The following TBCK variants were observed in gnomAD, a reference collection of about 807,000 sequenced individuals.
TBCK encodes TBC domain-containing protein kinase-like protein.
TBCK carries 99 observed loss-of-function variants against 113.4 expected under a neutral mutation model. The ratio of observed to expected loss-of-function variants is 0.87; its 90% CI spans 0.74 to 1.03. The LOEUF (loss-of-function observed/expected upper bound fraction) is 1.03, where lower values mean the gene tolerates loss of function less well. Among genes scored for constraint, TBCK ranks in the 50% least tolerant of loss-of-function variants. The probability of loss-of-function intolerance (pLI) is 0.00; values close to 1 mark genes in which losing one functional copy is unlikely to be tolerated. For synonymous variants in TBCK, 369 were observed against 370.8 expected, an observed-to-expected ratio of 1.00 and a Z score of 0.05; for missense variants, 1,045 against 1,061.3, an observed-to-expected ratio of 0.98 and a Z score of 0.21.
At chr4:106,101,224 G>A (rs1427698734) in intron 24 of TBCK, among the ~76,000 whole-genome samples, 1 of 152,146 alleles carries the variant, frequency 6.6e-6, no homozygotes, top group Non-Finnish European at 1.5e-5. Flanking sequence ...TGGGGTCATG[G>A]ATGGTTCTCA....
intron 5 of TBCK, among the ~76,000 whole-genome samples, chr4:106,254,593 ATC>A (rs1023006854): frequency 1.3e-5 from 2 of 152,204 alleles, no homozygotes; most frequent in African/African-American, 2.4e-5. Flanking sequence ...TGTCAAAATA[ATC>A]TGTTAATTTT....
chr4:106,159,562 G>T (rs914744145), intron 23 of TBCK, among the ~76,000 whole-genome samples: 1 of 151,878 alleles, frequency 6.6e-6, no homozygotes, highest in African/African-American at 2.4e-5. Context: ...AAATACTTAG[G>T]AATTAACCAG....
At position 106,193,704 on chromosome 4, in the gene TBCK, G is replaced by A. The variant is rs763511962; in HGVS notation, c.1964C>T (p.Pro655Leu). 3 of 1,611,498 alleles carry A rather than the reference G, an allele frequency of 1.9e-6. No homozygotes were observed. Among genetic ancestry groups the A allele is most frequent in the African/African-American group, 1.3e-5 (1 of 74,714 alleles). The change falls in exon 22 of 26, where the codon CCA becomes CTA. Residue 655 changes from proline to leucine, a missense_variant. Coordinates refer to ENST00000394708, the MANE Select transcript of TBCK (RefSeq NM_001163435.3). ...DTLLLGNSSF[P>L]FCIGVAILQQ... Reference sequence around the variant, plus strand: ...AAGAATTGCTACTCCAATACAGAATGGGAAAGAGGAATTCCCAAGTAGTAA... The same window carrying A: ...AAGAATTGCTACTCCAATACAGAATAGGAAAGAGGAATTCCCAAGTAGTAA...
At chr4:106,186,711 C>T (rs1192854199) in intron 22 of TBCK, among the ~76,000 whole-genome samples, 1 of 152,062 alleles carries the variant, frequency 6.6e-6, no homozygotes, top group African/African-American at 2.4e-5. Flanking sequence ...GTTTCTTTTG[C>T]TGTGCAGAAG....
At chr4:106,246,765 G>A (rs1484860462) in intron 10 of TBCK, among the ~76,000 whole-genome samples, 1 of 152,086 alleles carries the variant, frequency 6.6e-6, no homozygotes, top group Non-Finnish European at 1.5e-5. Flanking sequence ...AGTTCAGTTA[G>A]GCTCTGATAT....
chr4:106,186,666 C>A (rs560675743), intron 22 of TBCK, among the ~76,000 whole-genome samples: 1 of 152,232 alleles, frequency 6.6e-6, no homozygotes, highest in East Asian at 1.9e-4. Flanking sequence ...AATATTTTCT[C>A]CCATTTTGTA....
At chr4:106,260,712 A>G (rs910827622) in intron 4 of TBCK, among the ~76,000 whole-genome samples, 2 of 151,978 alleles carry the variant, frequency 1.3e-5, no homozygotes, top group African/African-American at 4.8e-5. Flanking sequence ...TATACTCATT[A>G]AATATGTATA....
intron 19 of TBCK, among the ~76,000 whole-genome samples, chr4:106,218,323 T>A (rs1052152569): frequency 2.7e-5 from 4 of 150,590 alleles, no homozygotes; most frequent in Non-Finnish European, 5.9e-5. Flanking sequence ...GGACTTCATG[T>A]CTAAAACACC....
intron 3 of TBCK, among the ~76,000 whole-genome samples, chr4:106,292,497 G>A (rs1765830228): frequency 6.6e-6 from 1 of 151,542 alleles, no homozygotes; most frequent in Non-Finnish European, 1.5e-5. Context: ...ATGAACCCGG[G>A]AGGAGGAGCT....
chr4:106,130,251 T>C (rs901421099), intron 23 of TBCK, among the ~76,000 whole-genome samples: 2 of 152,214 alleles, frequency 1.3e-5, no homozygotes, highest in Admixed American at 6.5e-5. Flanking sequence ...TATTAAAATA[T>C]GCACATCTTT....
intron 23 of TBCK, among the ~76,000 whole-genome samples, chr4:106,153,882 T>C (rs1748819937): frequency 6.6e-6 from 1 of 152,078 alleles, no homozygotes; most frequent in African/African-American, 2.4e-5. Context: ...CTACTCCAGC[T>C]CTTTTTTGGT....
chr4:106,231,487 T>G (rs1220578900), intron 18 of TBCK, among the ~76,000 whole-genome samples: 1 of 151,738 alleles, frequency 6.6e-6, no homozygotes, highest in Non-Finnish European at 1.5e-5. Flanking sequence ...AAAATTAATC[T>G]CTAAAGAATT....
At chr4:106,310,974 T>C (rs1467087757) in intron 1 of TBCK, among the ~76,000 whole-genome samples, 1 of 152,022 alleles carries the variant, frequency 6.6e-6, no homozygotes. Flanking sequence ...GGCCAATAGA[T>C]ACATGAGAAG....
At chr4:106,159,271 G>A (rs990364099) in intron 23 of TBCK, among the ~76,000 whole-genome samples, 5 of 152,032 alleles carry the variant, frequency 3.3e-5, no homozygotes, top group Non-Finnish European at 7.4e-5. Context: ...TTTCAACATA[G>A]TACTGGAAGT....
At chr4:106,086,010 C>A (rs576496633) in intron 25 of TBCK, among the ~76,000 whole-genome samples, 2 of 152,014 alleles carry the variant, frequency 1.3e-5, no homozygotes, top group South Asian at 2.1e-4. Context: ...GATCTCAAAT[C>A]GACACCCTAA....
intron 22 of TBCK, among the ~76,000 whole-genome samples, chr4:106,186,625 T>G (rs1024272147): frequency 1.3e-5 from 2 of 152,212 alleles, no homozygotes; most frequent in Admixed American, 1.3e-4. Flanking sequence ...AGACTCTGGA[T>G]AGTAGACCTT....
At chr4:106,309,584 G>A (rs1478027888) in intron 1 of TBCK, among the ~76,000 whole-genome samples, 2 of 151,878 alleles carry the variant, frequency 1.3e-5, no homozygotes, top group African/African-American at 4.8e-5. Context: ...TTACAGGCGT[G>A]AGCCACCACA....
chr4:106,063,253 T>G (rs1472949240), intron 25 of TBCK, among the ~76,000 whole-genome samples: 1 of 151,972 alleles, frequency 6.6e-6, no homozygotes, highest in Non-Finnish European at 1.5e-5. Context: ...CTTATAGGTA[T>G]AACAAGATCA....
Position 106,233,642 on chromosome 4 carries a change from A to C in TBCK, c.1458T>G (p.Ile486Met). Reference sequence around the variant, plus strand: ...TATCAATTGCATCGTACTTGGCATGAATAGCTCCCTGCAAAAAATAAAAGA... The same window carrying C: ...TATCAATTGCATCGTACTTGGCATGCATAGCTCCCTGCAAAAAATAAAAGA... ...WAALLGVEGA[I>M]HAKYDAIDKD... Residue 486 changes from isoleucine (I) to methionine (M), a missense_variant, in exon 16 of 26, where the codon ATT becomes ATG. Physicochemically the swap from Ile to Met is conservative, Grantham distance 10 (BLOSUM62 1). Transcript: ENST00000394708. 2 of 1,607,902 alleles carry C rather than the reference A, an allele frequency of 1.2e-6. No homozygotes were observed. Among genetic ancestry groups the C allele is most frequent in the African/African-American group, 2.7e-5 (2 of 74,850 alleles).
Sources: gnomAD v4.1 joint callset for allele counts (sites outside exome capture counted in the v4.1 genomes callset) on GRCh38, gnomAD v4.1.1 for gene constraint, MANE v1.5 for transcripts, NCBI Gene and HGNC (gene_info 2026-07-23, HGNC 2026-07-21) for gene names.